Variants in ANKRD31 observed in about 807,000 individuals in gnomAD.
ANKRD31 encodes ankyrin repeat domain-containing protein 31.
ANKRD31 carries 147 observed loss-of-function variants against 186.0 expected under a neutral mutation model. The observed-to-expected ratio is 0.79, with a 90% confidence interval of 0.69 to 0.91. The LOEUF (loss-of-function observed/expected upper bound fraction) is 0.91. Among genes scored for constraint, ANKRD31 ranks in the 40% least tolerant of loss-of-function variants. ANKRD31 has a pLI of 0.00. For missense variants in ANKRD31, 1,986 were observed against 2,148.8 expected, an observed-to-expected ratio of 0.92 and a Z score of 1.50; for synonymous variants, 673 against 736.4, an observed-to-expected ratio of 0.91 and a Z score of 1.39.
intron 10 of ANKRD31, among the ~76,000 whole-genome samples, chr5:75,187,728 C>T (rs1392683160): frequency 6.6e-6 from 1 of 152,050 alleles, no homozygotes; most frequent in Non-Finnish European, 1.5e-5. Context: ...TAAACCCAGG[C>T]TTTGCTAAGG....
chr5:75,170,963 G>A (rs1753272528), intron 10 of ANKRD31, among the ~76,000 whole-genome samples: 1 of 151,814 alleles, frequency 6.6e-6, no homozygotes, highest in African/African-American at 2.4e-5. Flanking sequence ...TAATAACAGA[G>A]CTTCAAAATA....
intron 10 of ANKRD31, among the ~76,000 whole-genome samples, chr5:75,177,125 G>T (rs1206252975): frequency 6.6e-6 from 1 of 152,206 alleles, no homozygotes; most frequent in Non-Finnish European, 1.5e-5. Flanking sequence ...TTGGAAGAAA[G>T]GGTATCAGCG....
intron 5 of ANKRD31, among the ~76,000 whole-genome samples, chr5:75,201,831 G>A (rs961007576): frequency 6.6e-6 from 1 of 152,098 alleles, no homozygotes; most frequent in Non-Finnish European, 1.5e-5. Context: ...TTTATAATCT[G>A]CTCTGTCTGA....
At chr5:75,185,163 T>C (rs548845289) in intron 10 of ANKRD31, among the ~76,000 whole-genome samples, 3 of 152,176 alleles carry the variant, frequency 2.0e-5, no homozygotes, top group Non-Finnish European at 2.9e-5. Flanking sequence ...AAAAAGTTGA[T>C]CCTAAGAAAC....
chr5:75,080,908 G>A (rs1561398514), intron 24 of ANKRD31, among the ~76,000 whole-genome samples: 1 of 138,990 alleles, frequency 7.2e-6, no homozygotes, highest in East Asian at 2.0e-4. Context: ...GCTGATGAAA[G>A]CCACACAAAA....
rs1334910600 is a variant in ANKRD31 at position 75,116,644 on chromosome 5, C to A, written c.4077G>T (p.Gln1359His). The A allele has an allele frequency of 4.4e-5, 63 of 1,447,494 alleles. No homozygotes were observed. Among genetic ancestry groups the A allele is most frequent in the Non-Finnish European group, 5.2e-5 (57 of 1,093,006 alleles). 89.7% of individuals were successfully genotyped at this position (1,447,494 alleles called of 1,614,324 possible). A position where few individuals can be genotyped will look rare whatever the true frequency, so the allele number is the denominator to read the frequency against. ...IPAVRSKRHK[Q>H]CFCDDGKTID... ...TAGTTTTGCCATCATCACAAAAACA[C>A]TGTTTATGTCTTTTAGACCGGACAG... The change falls in exon 19 of 26, where the codon CAG (glutamine) becomes CAT (histidine). Residue 1359 changes from glutamine (Q) to histidine (H), a missense_variant. Physicochemically the swap from Gln to His is conservative, Grantham distance 24 (BLOSUM62 0). Transcript: ENST00000506364.
intron 2 of ANKRD31, among the ~76,000 whole-genome samples, chr5:75,224,499 C>T (rs1430111103): frequency 6.6e-6 from 1 of 151,848 alleles, no homozygotes; most frequent in Non-Finnish European, 1.5e-5. Flanking sequence ...CATACACACA[C>T]ACATATATAT....
At chr5:75,153,742 C>T (rs980706436) in intron 12 of ANKRD31, among the ~76,000 whole-genome samples, 1 of 152,012 alleles carries the variant, frequency 6.6e-6, no homozygotes, top group Non-Finnish European at 1.5e-5. Context: ...ATTATGTTTA[C>T]ATAATTTTTT....
intron 1 of ANKRD31, among the ~76,000 whole-genome samples, chr5:75,232,983 A>G (rs1758040920): frequency 1.3e-5 from 2 of 152,036 alleles, no homozygotes; most frequent in African/African-American, 4.8e-5. Context: ...TAATTTAGTT[A>G]CTTTTCCACA....
intron 6 of ANKRD31, among the ~76,000 whole-genome samples, chr5:75,198,841 T>C (rs2150257294): frequency 6.6e-6 from 1 of 152,324 alleles, no homozygotes; most frequent in South Asian, 2.1e-4. Flanking sequence ...GTAAAACAGC[T>C]ATCGCTGCCC....
chr5:75,124,670 C>T (rs886079341), intron 17 of ANKRD31, among the ~76,000 whole-genome samples: 25 of 152,232 alleles, frequency 1.6e-4, no homozygotes, highest in African/African-American at 5.5e-4. Flanking sequence ...TCTGCAGCAA[C>T]ATGGATGGAA....
At chr5:75,145,869 C>T in intron 14 of ANKRD31, 118 bp downstream of exon 14, 1 of 897,578 alleles carries the variant, frequency 1.1e-6, no homozygotes, top group Non-Finnish European at 1.6e-6. Context: ...AAAATATGGC[C>T]CACATGTCCT....
At chr5:75,118,576 G>A (rs180855283) in intron 17 of ANKRD31, among the ~76,000 whole-genome samples, 27 of 152,228 alleles carry the variant, frequency 1.8e-4, no homozygotes, top group Non-Finnish European at 3.5e-4. Flanking sequence ...TTCTAGATCG[G>A]TACTGCCCAG....
intron 7 of ANKRD31, among the ~76,000 whole-genome samples, chr5:75,194,962 T>C (rs559498127): frequency 6.6e-6 from 1 of 152,104 alleles, no homozygotes; most frequent in African/African-American, 2.4e-5. Context: ...GGATGCATTA[T>C]TATTATAATC....
intron 4 of ANKRD31, among the ~76,000 whole-genome samples, chr5:75,208,599 A>C (rs1325932583): frequency 6.6e-6 from 1 of 152,200 alleles, no homozygotes; most frequent in Non-Finnish European, 1.5e-5. Context: ...AAAGACTAAA[A>C]GTCTCTAAGG....
chr5:75,118,552 A>G lies in ANKRD31; in HGVS notation c.3877-255T>C, dbSNP rs541774135. On this transcript the variant is annotated intron_variant, in intron 17 of 25. Transcript: ENST00000506364. ...GCCTTCATTGCAGTAAGAAGTAGGC[A>G]TAGGGAGGTTCAGTTCTAGATCGGT... Among the ~76,000 whole-genome samples the G allele has an allele frequency of 2.6e-5, 4 of 152,316 alleles. No homozygotes were observed. The South Asian group carries it at 8.3e-4, about 32-fold the overall frequency.
At chr5:75,161,950 T>A (rs1334523335) in intron 11 of ANKRD31, among the ~76,000 whole-genome samples, 1 of 152,208 alleles carries the variant, frequency 6.6e-6, no homozygotes, top group Non-Finnish European at 1.5e-5. Flanking sequence ...GCCTGGATGC[T>A]CAGGCAAAAG....
rs73114825 is a variant in ANKRD31, at chr5:75,192,765, G to A, written c.1310C>T (p.Pro437Leu). 0.021 allele frequency: 32,807 copies of A among 1,531,296 alleles called. 880 individuals are homozygous for A. The highest frequency in any genetic ancestry group is 0.13 in the African/African-American group (9,585 of 72,694). The allele number at this position is 1,531,296 out of a possible 1,614,324, so 94.9% of individuals were successfully genotyped here. The change falls in exon 9 of 26, where the codon CCG (proline) becomes CTG (leucine). Residue 437 changes from proline to leucine, a missense_variant. By Grantham distance (98) the Pro-to-Leu change is moderately conservative. Coordinates refer to ENST00000506364, the MANE Select transcript of ANKRD31 (RefSeq NM_001372053.1). ...SSAQNFRMQD[P>L]ALMIDGKEKN... ...CTCTTTACCATCAATCATTAAAGCC[G>A]GATCCTGCATTCTTGAAAAACAACG...
intron 20 of ANKRD31, 78 bp from the exon 21 acceptor site, chr5:75,107,695 T>C (rs1404669933): frequency 7.4e-6 from 6 of 809,780 alleles, no homozygotes; most frequent in Non-Finnish European, 1.1e-5. Flanking sequence ...ATTAGCCCTA[T>C]TGTTAATTTT....
Sources: gnomAD v4.1 joint callset for allele counts (sites outside exome capture counted in the v4.1 genomes callset) on GRCh38, gnomAD v4.1.1 for gene constraint, MANE v1.5 for transcripts, NCBI Gene and HGNC (gene_info 2026-07-23, HGNC 2026-07-21) for gene names.